Variants in UBE3C observed in about 807,000 individuals in gnomAD.
UBE3C encodes ubiquitin protein ligase E3C.
In UBE3C, 42 loss-of-function variants were observed where a neutral mutation model predicts 129.4. The observed-to-expected ratio is 0.32, with a 90% CI of 0.25 to 0.42. The LOEUF (loss-of-function observed/expected upper bound fraction) is 0.42. Ranked by LOEUF, UBE3C falls within the 10% of genes least tolerant of loss-of-function variation. The pLI is 1.00. For missense variants in UBE3C, 1,049 were observed against 1,319.1 expected (o/e 0.80, Z 3.17); for synonymous variants, 510 against 492.4 (o/e 1.04, Z -0.47).
intron 1 of UBE3C, among the ~76,000 whole-genome samples, chr7:157,151,703 A>G (rs73743211): frequency 6.6e-6 from 1 of 152,132 alleles, no homozygotes; most frequent in African/African-American, 2.4e-5. Flanking sequence ...ACTGATTTAG[A>G]TCATTTAGCT....
At chr7:157,171,660 T>TTTTA (rs1254040472) in intron 4 of UBE3C, among the ~76,000 whole-genome samples, 8 of 67,876 alleles carry the variant, frequency 1.2e-4, no homozygotes, top group East Asian at 1.1e-3. Context: ...TTTAAATATT[T>TTTTA]TATATATATA....
chr7:157,139,378 T>G, intron 1 of UBE3C, 40 bp downstream of exon 1: 2 of 1,489,994 alleles, frequency 1.3e-6, no homozygotes, highest in Admixed American at 2.1e-5. Flanking sequence ...GCTCGGGGCC[T>G]GCGCGGCCGG....
chr7:157,155,937 A>T (rs1029861720), intron 1 of UBE3C, among the ~76,000 whole-genome samples: 2 of 151,948 alleles, frequency 1.3e-5, no homozygotes, highest in African/African-American at 4.9e-5. Flanking sequence ...CTTGTCTGTA[A>T]CTGCTACTAG....
At chr7:157,217,643 T>C (rs1216828828) in intron 14 of UBE3C, among the ~76,000 whole-genome samples, 1 of 151,988 alleles carries the variant, frequency 6.6e-6, no homozygotes, top group Non-Finnish European at 1.5e-5. Context: ...GAGACCAGCC[T>C]GGCCAACATG....
At chr7:157,181,988 T>G (rs1808677183) in intron 7 of UBE3C, 120 bp from the exon 8 acceptor site, 1 of 1,081,580 alleles carries the variant, frequency 9.2e-7, no homozygotes, top group Non-Finnish European at 1.3e-6. Context: ...ATGGTTAACT[T>G]GGCTAATTTA....
In UBE3C at chr7:157,204,398, C is replaced by CAAAAAAAAAAAAAA. The variant is rs35298527; in HGVS notation, c.1418+2598_1418+2611dup. Among the ~76,000 whole-genome samples the CAAAAAAAAAAAAAA allele has an allele frequency of 3.1e-3, 271 of 86,306 alleles. 8 individuals are homozygous for CAAAAAAAAAAAAAA. Among genetic ancestry groups the CAAAAAAAAAAAAAA allele is most frequent in the East Asian group, 0.012 (34 of 2,816 alleles). 56.6% of individuals were successfully genotyped at this position (86,306 alleles called of 152,430 possible). ...GGGTAACAAGAGGGAAACTTTGTTT[C>CAAAAAAAAAAAAAA]AAAAAAAAAAAAAAAAAAAATTTCA... is the stretch of plus-strand genomic sequence containing the variant. On this transcript the variant is annotated intron_variant, in intron 11 of 22. Transcript: ENST00000348165.
At chr7:157,228,610 G>A (rs1795939550) in intron 17 of UBE3C, among the ~76,000 whole-genome samples, 1 of 152,194 alleles carries the variant, frequency 6.6e-6, no homozygotes, top group Non-Finnish European at 1.5e-5. Flanking sequence ...AAGCAAGCTG[G>A]AGCCAAATGG....
At chr7:157,143,629 C>G (rs1807520740) in intron 1 of UBE3C, among the ~76,000 whole-genome samples, 1 of 152,126 alleles carries the variant, frequency 6.6e-6, no homozygotes, top group African/African-American at 2.4e-5. Flanking sequence ...ATGTTTCCAC[C>G]TGATAACCTC....
At chr7:157,217,399 A>T (rs898227999) in intron 14 of UBE3C, among the ~76,000 whole-genome samples, 3 of 151,298 alleles carry the variant, frequency 2.0e-5, no homozygotes, top group African/African-American at 7.3e-5. Context: ...TGATCTTCCT[A>T]CCTTGGCCTC....
chr7:157,169,709 T>C (rs1013915372), intron 3 of UBE3C, among the ~76,000 whole-genome samples: 4 of 151,596 alleles, frequency 2.6e-5, no homozygotes, highest in Admixed American at 2.6e-4. Flanking sequence ...TTTGAGAGAG[T>C]CTTGCTCTGT....
chr7:157,206,572 T>C (rs1809439779), intron 11 of UBE3C, among the ~76,000 whole-genome samples: 1 of 151,408 alleles, frequency 6.6e-6, no homozygotes, highest in Non-Finnish European at 1.5e-5. Flanking sequence ...TTTTTTCTTT[T>C]CTTTTTTTTT....
intron 9 of UBE3C, among the ~76,000 whole-genome samples, chr7:157,185,556 T>C (rs1808782408): frequency 6.6e-6 from 1 of 152,224 alleles, no homozygotes; most frequent in Non-Finnish European, 1.5e-5. Flanking sequence ...AGTCATTCTT[T>C]CTTTGCCATG....
chr7:157,157,559 A>G (rs1807945454), intron 1 of UBE3C, among the ~76,000 whole-genome samples: 1 of 152,230 alleles, frequency 6.6e-6, no homozygotes, highest in South Asian at 2.1e-4. Flanking sequence ...ATTCAAATGC[A>G]CATAGCCTTT....
intron 22 of UBE3C, among the ~76,000 whole-genome samples, chr7:157,263,849 T>G (rs1395657355): frequency 6.6e-6 from 1 of 151,946 alleles, no homozygotes. Context: ...TTTCCTCCCA[T>G]TCTAACCATT....
intron 14 of UBE3C, among the ~76,000 whole-genome samples, chr7:157,218,643 G>C (rs964243499): frequency 1.3e-5 from 2 of 152,210 alleles, no homozygotes; most frequent in African/African-American, 4.8e-5. Context: ...CTGGGGCCCA[G>C]GCTGGGGTTG....
intron 22 of UBE3C, among the ~76,000 whole-genome samples, chr7:157,259,632 G>A (rs576233644): frequency 5.3e-5 from 8 of 152,148 alleles, no homozygotes; most frequent in African/African-American, 1.9e-4. Context: ...ACAAGACTAC[G>A]TATTATTATA....
At chr7:157,216,082 G>A (rs887773286) in intron 13 of UBE3C, among the ~76,000 whole-genome samples, 1 of 152,166 alleles carries the variant, frequency 6.6e-6, no homozygotes, top group Non-Finnish European at 1.5e-5. Context: ...GTTTGGAAAG[G>A]TTATCAAGGA....
chr7:157,176,195 G>A (rs186837423), intron 5 of UBE3C, among the ~76,000 whole-genome samples: 5 of 152,216 alleles, frequency 3.3e-5, no homozygotes, highest in East Asian at 1.9e-4. Flanking sequence ...CCAGGAGTTC[G>A]AGGCTGCAGT....
chr7:157,198,151 A>T (rs567402341), intron 10 of UBE3C: 1 of 1,613,088 alleles, frequency 6.2e-7, no homozygotes, highest in East Asian at 2.2e-5. Context: ...CCATTGCTCC[A>T]CAGTTTAAGC....
Sources: gnomAD v4.1 joint callset for allele counts (sites outside exome capture counted in the v4.1 genomes callset) on GRCh38, gnomAD v4.1.1 for gene constraint, MANE v1.5 for transcripts, NCBI Gene and HGNC (gene_info 2026-07-23, HGNC 2026-07-21) for gene names.